The following ZNF385B variants were observed in gnomAD, a reference collection of about 807,000 sequenced individuals.
ZNF385B encodes zinc finger protein 385B.
Under a neutral mutation model 39.2 loss-of-function variants are expected in ZNF385B, and 23 were observed. The observed-to-expected ratio is 0.59, with a 90% CI of 0.42 to 0.83. ZNF385B has a LOEUF of 0.83. ZNF385B is among the 40% of genes least tolerant of loss of function. ZNF385B has a pLI of 0.00. For synonymous variants in ZNF385B, 205 were observed against 222.6 expected (o/e 0.92, Z 0.70); for missense variants, 552 against 598.9 (o/e 0.92, Z 0.82).
At chr2:179,464,517 A>G (rs550852236) in intron 6 of ZNF385B, among the ~76,000 whole-genome samples, 66 of 152,122 alleles carry the variant, frequency 4.3e-4, no homozygotes, top group African/African-American at 1.5e-3. Flanking sequence ...TCTTGAGTTG[A>G]TTTTTGTATA....
intron 3 of ZNF385B, among the ~76,000 whole-genome samples, chr2:179,552,938 G>T (rs2060669921): frequency 6.7e-6 from 1 of 149,158 alleles, no homozygotes; most frequent in Non-Finnish European, 1.5e-5. Context: ...CTTGCAATCT[G>T]ATTAACAAGG....
intron 6 of ZNF385B, among the ~76,000 whole-genome samples, chr2:179,460,124 GA>G (rs949294576): frequency 5.3e-5 from 8 of 150,158 alleles, no homozygotes; most frequent in African/African-American, 1.2e-4. Flanking sequence ...GAAAAGAAAA[GA>G]AAAAAAAATA....
chr2:179,709,832 T>C (rs1034941441), intron 3 of ZNF385B, among the ~76,000 whole-genome samples: 5 of 152,152 alleles, frequency 3.3e-5, no homozygotes, highest in Non-Finnish European at 5.9e-5. Context: ...ACCTGATTGC[T>C]ATGCCTTGAC....
At chr2:179,826,412 A>G (rs1346523851) in intron 1 of ZNF385B, among the ~76,000 whole-genome samples, 2 of 152,110 alleles carry the variant, frequency 1.3e-5, no homozygotes, top group Non-Finnish European at 2.9e-5. Context: ...ATGAAAAGAC[A>G]CCATTCTAAC....
At chr2:179,776,917 T>C (rs1463992739) in intron 1 of ZNF385B, among the ~76,000 whole-genome samples, 1 of 152,140 alleles carries the variant, frequency 6.6e-6, no homozygotes, top group African/African-American at 2.4e-5. Context: ...AAGATAAGTT[T>C]ACTTTATTCT....
rs182557461 is a variant in ZNF385B at position 179,816,183 on chromosome 2, G to A, written c.-155+44918C>T. Among the ~76,000 whole-genome samples the A allele has an allele frequency of 2.2e-3, 341 of 152,102 alleles. 1 individual carries two copies. The highest frequency in any genetic ancestry group is 7.8e-3 in the African/African-American group (325 of 41,480). The stretch of plus-strand genomic sequence containing the variant: ...GGAAACTTCATTCATCAAGCTGTTC[G>A]GCTAAAAACCTTGGAATCATCAACG... On this transcript the variant is annotated intron_variant, in intron 1 of 9. Coordinates refer to ENST00000410066, the MANE Select transcript of ZNF385B (RefSeq NM_152520.6).
chr2:179,565,082 A>C (rs1046373539), intron 3 of ZNF385B, among the ~76,000 whole-genome samples: 8 of 152,176 alleles, frequency 5.3e-5, no homozygotes, highest in African/African-American at 1.9e-4. Flanking sequence ...AGCTGTTCAC[A>C]AGCATAATTC....
intron 3 of ZNF385B, among the ~76,000 whole-genome samples, chr2:179,640,137 A>C (rs186647932): frequency 1.6e-3 from 245 of 152,316 alleles, no homozygotes; most frequent in African/African-American, 5.5e-3. Flanking sequence ...AGTTTAAAGG[A>C]GATCACAAAG....
intron 1 of ZNF385B, among the ~76,000 whole-genome samples, chr2:179,851,181 T>C (rs1024381742): frequency 6.6e-6 from 1 of 152,204 alleles, no homozygotes; most frequent in Non-Finnish European, 1.5e-5. Flanking sequence ...CCAGACACAG[T>C]GGCTCACGCC....
intron 3 of ZNF385B, among the ~76,000 whole-genome samples, chr2:179,748,895 C>A (rs1035111369): frequency 2.6e-5 from 4 of 152,046 alleles, no homozygotes; most frequent in Non-Finnish European, 5.9e-5. Flanking sequence ...TAGACCTGCA[C>A]TGGGGAAGTG....
intron 5 of ZNF385B, among the ~76,000 whole-genome samples, chr2:179,495,041 A>G (rs2056055150): frequency 6.6e-6 from 1 of 152,168 alleles, no homozygotes; most frequent in Non-Finnish European, 1.5e-5. Flanking sequence ...ACAGAGGGAT[A>G]GAGCACCACG....
intron 1 of ZNF385B, among the ~76,000 whole-genome samples, chr2:179,829,759 C>T (rs181777743): frequency 1.3e-3 from 200 of 152,256 alleles, no homozygotes; most frequent in African/African-American, 4.2e-3. Context: ...GTGATCTGCC[C>T]GCCTTGGCCT....
chr2:179,699,454 C>T (rs1026122170), intron 3 of ZNF385B, among the ~76,000 whole-genome samples: 1 of 152,332 alleles, frequency 6.6e-6, no homozygotes, highest in South Asian at 2.1e-4. Context: ...ACTAGTGACA[C>T]ACGCCATTTG....
chr2:179,562,322 C>T (rs1374830800), intron 3 of ZNF385B: 3 of 897,372 alleles, frequency 3.3e-6, no homozygotes, highest in East Asian at 1.2e-4. Context: ...ATTCATTTGA[C>T]CTGTTTTATA....
chr2:179,734,505 T>C (rs1701614462), intron 3 of ZNF385B, among the ~76,000 whole-genome samples: 2 of 152,202 alleles, frequency 1.3e-5, no homozygotes, highest in Non-Finnish European at 2.9e-5. Context: ...CATGTTTTAA[T>C]TGAAGAATGA....
chr2:179,796,359 T>A (rs986243406), intron 1 of ZNF385B: 8 of 152,160 alleles, frequency 5.3e-5, no homozygotes, highest in African/African-American at 1.9e-4. Context: ...TTTTCATTTC[T>A]TAGTACTGAA....
chr2:179,603,793 C>A (rs1423205554), intron 3 of ZNF385B, among the ~76,000 whole-genome samples: 1 of 152,120 alleles, frequency 6.6e-6, no homozygotes, highest in African/African-American at 2.4e-5. Flanking sequence ...GCCAGTAATT[C>A]CTCCATATAC....
chr2:179,473,629 C>A (rs534237020), intron 6 of ZNF385B, among the ~76,000 whole-genome samples: 1 of 152,190 alleles, frequency 6.6e-6, no homozygotes, highest in Non-Finnish European at 1.5e-5. Context: ...ACCTATCAAC[C>A]CATCATCTAC....
At chr2:179,528,678 G>GA (rs1053414833) in intron 4 of ZNF385B, among the ~76,000 whole-genome samples, 4 of 151,648 alleles carry the variant, frequency 2.6e-5, no homozygotes, top group East Asian at 1.9e-4. Context: ...GTTCTGAGTA[G>GA]AAAAAAAAAT....
Sources: allele counts gnomAD v4.1 joint callset (sites outside exome capture counted in the v4.1 genomes callset), GRCh38; gene constraint gnomAD v4.1.1; transcripts MANE v1.5; gene names NCBI Gene and HGNC (gene_info 2026-07-23, HGNC 2026-07-21).